The following NXPH2 variants were observed in gnomAD, a reference collection of about 807,000 sequenced individuals.
NXPH2 encodes the protein neurexophilin 2, also known as neurexophilin-2.
A neutral mutation model predicts 19.8 loss-of-function variants in NXPH2; 5 were observed. The observed-to-expected ratio is 0.25, with a 90% CI of 0.13 to 0.53. The LOEUF (loss-of-function observed/expected upper bound fraction) is 0.53. Ranked by LOEUF, NXPH2 falls within the 20% of genes least tolerant of loss-of-function variation. The pLI is 0.96. For missense variants in NXPH2, 289 were observed against 322.8 expected, an observed-to-expected ratio of 0.90 and a Z score of 0.80; for synonymous variants, 154 against 127.4, an observed-to-expected ratio of 1.21 and a Z score of -1.41.
intron 1 of NXPH2, among the ~76,000 whole-genome samples, chr2:138,739,294 A>G (rs1573972980): frequency 6.6e-6 from 1 of 152,244 alleles, no homozygotes; most frequent in Non-Finnish European, 1.5e-5. Flanking sequence ...CCACAGCCCC[A>G]GTGTGAATGA....
intron 1 of NXPH2, among the ~76,000 whole-genome samples, chr2:138,673,233 C>A (rs1267872014): frequency 1.3e-5 from 2 of 152,096 alleles, no homozygotes; most frequent in Admixed American, 1.3e-4. Context: ...GGCTTATACA[C>A]CCTGAATTGA....
chr2:138,691,679 T>C (rs1261311369), intron 1 of NXPH2, among the ~76,000 whole-genome samples: 1 of 152,162 alleles, frequency 6.6e-6, no homozygotes, highest in Non-Finnish European at 1.5e-5. Context: ...GTAATCACTT[T>C]GCTGGAAAGA....
chr2:138,746,405 G>C (rs1461308666), intron 1 of NXPH2, among the ~76,000 whole-genome samples: 1 of 151,962 alleles, frequency 6.6e-6, no homozygotes, highest in Admixed American at 6.5e-5. Context: ...ACCTCCCTTG[G>C]GGAGGAACTG....
chr2:138,713,963 A>G (rs887617200), intron 1 of NXPH2, among the ~76,000 whole-genome samples: 3 of 141,516 alleles, frequency 2.1e-5, no homozygotes, highest in Admixed American at 7.3e-5. Context: ...CAAAGAAACA[A>G]ACAAAAAAGC....
At chr2:138,739,933 A>G (rs946269918) in intron 1 of NXPH2, among the ~76,000 whole-genome samples, 2 of 152,206 alleles carry the variant, frequency 1.3e-5, no homozygotes, top group African/African-American at 4.8e-5. Flanking sequence ...ACAGTTCTTG[A>G]CCCTGGAAAT....
At chr2:138,757,479 G>A (rs994604894) in intron 1 of NXPH2, among the ~76,000 whole-genome samples, 1 of 152,140 alleles carries the variant, frequency 6.6e-6, no homozygotes, top group Non-Finnish European at 1.5e-5. Context: ...GCTTCAGCAG[G>A]ATACCCTTGT....
chr2:138,772,503 G>A (rs1207821371), intron 1 of NXPH2, among the ~76,000 whole-genome samples: 1 of 152,134 alleles, frequency 6.6e-6, no homozygotes, highest in Admixed American at 6.5e-5. Flanking sequence ...CTCCATGTTG[G>A]TCAAGCTGGT....
At chr2:138,766,364 G>A (rs1209300938) in intron 1 of NXPH2, among the ~76,000 whole-genome samples, 1 of 152,164 alleles carries the variant, frequency 6.6e-6, no homozygotes, top group South Asian at 2.1e-4. Flanking sequence ...CCTATGGCAG[G>A]TTTCTCACCC....
intron 1 of NXPH2, among the ~76,000 whole-genome samples, chr2:138,692,756 G>A (rs1680763510): frequency 6.6e-6 from 1 of 152,110 alleles, no homozygotes; most frequent in Non-Finnish European, 1.5e-5. Context: ...AATACCTGGA[G>A]ATTTCTAATA....
intron 1 of NXPH2, among the ~76,000 whole-genome samples, chr2:138,747,356 G>A (rs1467991690): frequency 6.6e-6 from 1 of 152,088 alleles, no homozygotes; most frequent in Admixed American, 6.5e-5. Context: ...AGGATAAGAA[G>A]TCAGAGAGGT....
chr2:138,747,135 T>G (rs1225040810), intron 1 of NXPH2, among the ~76,000 whole-genome samples: 2 of 152,286 alleles, frequency 1.3e-5, no homozygotes, highest in African/African-American at 2.4e-5. Flanking sequence ...CCTAATTATT[T>G]GCTACCATAC....
At chr2:138,758,242 C>A (rs189306767) in intron 1 of NXPH2, among the ~76,000 whole-genome samples, 210 of 152,212 alleles carry the variant, frequency 1.4e-3, no homozygotes, top group Non-Finnish European at 2.5e-3. Flanking sequence ...TTCCTAGGGT[C>A]TATCTATAAT....
intron 1 of NXPH2, among the ~76,000 whole-genome samples, chr2:138,681,214 A>G (rs1220747420): frequency 1.3e-5 from 2 of 152,234 alleles, no homozygotes; most frequent in Non-Finnish European, 2.9e-5. Flanking sequence ...ATACTCTGAA[A>G]CAATATAGAG....
chr2:138,756,132 A>G (rs914061308), intron 1 of NXPH2, among the ~76,000 whole-genome samples: 1 of 151,964 alleles, frequency 6.6e-6, no homozygotes, highest in African/African-American at 2.4e-5. Context: ...AATTAAATGA[A>G]TATTTATTAA....
At chr2:138,776,156 C>T (rs906183523) in intron 1 of NXPH2, among the ~76,000 whole-genome samples, 16 of 151,998 alleles carry the variant, frequency 1.1e-4, no homozygotes, top group Admixed American at 4.6e-4. Flanking sequence ...AAAAGGTGGG[C>T]GGTGTCTTAT....
chr2:138,738,759 G>A (rs543148829), intron 1 of NXPH2, among the ~76,000 whole-genome samples: 1 of 152,290 alleles, frequency 6.6e-6, no homozygotes, highest in South Asian at 2.1e-4. Flanking sequence ...TGCTCCCCTT[G>A]CTCCGCCTGG....
chr2:138,711,847 T>C (rs1681110522), intron 1 of NXPH2, among the ~76,000 whole-genome samples: 1 of 152,220 alleles, frequency 6.6e-6, no homozygotes, highest in African/African-American at 2.4e-5. Context: ...TGTTTAAGGA[T>C]AGTGTTTCCA....
At chr2:138,729,076 A>G (rs975373496) in intron 1 of NXPH2, among the ~76,000 whole-genome samples, 8 of 152,138 alleles carry the variant, frequency 5.3e-5, no homozygotes, top group African/African-American at 1.9e-4. Flanking sequence ...ATAGATTACA[A>G]TGTATGGTTC....
chr2:138,767,622 T>C (rs988539026), intron 1 of NXPH2, among the ~76,000 whole-genome samples: 2 of 152,194 alleles, frequency 1.3e-5, no homozygotes, highest in African/African-American at 4.8e-5. Flanking sequence ...ATTCAATATC[T>C]CCTACCCTAC....
Sources: allele counts gnomAD v4.1 joint callset (sites outside exome capture counted in the v4.1 genomes callset), GRCh38; gene constraint gnomAD v4.1.1; transcripts MANE v1.5; gene names NCBI Gene and HGNC (gene_info 2026-07-23, HGNC 2026-07-21).